WDFY3: variants seen among roughly 807,000 people sequenced by gnomAD.
WDFY3 encodes the protein WD repeat and FYVE domain containing 3.
WDFY3 carries 66 observed loss-of-function variants against 409.6 expected under a neutral mutation model. That is an observed-to-expected ratio of 0.16 (90% CI 0.13 to 0.20). The LOEUF (loss-of-function observed/expected upper bound fraction) is 0.20. Ranked by LOEUF, WDFY3 falls within the 10% of genes least tolerant of loss-of-function variation. The pLI is 1.00. For missense variants in WDFY3, 3,031 were observed against 4,298.1 expected, an observed-to-expected ratio of 0.71 and a Z score of 8.24; for synonymous variants, 1,521 against 1,537.1, an observed-to-expected ratio of 0.99 and a Z score of 0.25.
Position 84,784,858 on chromosome 4 carries a change from G to GTA in WDFY3, c.4062+1119_4062+1120dup, listed in dbSNP as rs71670882. Among the ~76,000 whole-genome samples the GTA allele has an allele frequency of 3.3e-3, 297 of 88,966 alleles. 2 individuals are homozygous for GTA. Among genetic ancestry groups the GTA allele is most frequent in the African/African-American group, 8.4e-3 (168 of 20,040 alleles). 58.4% of individuals were successfully genotyped at this position (88,966 alleles called of 152,430 possible). On this transcript the variant is annotated intron_variant, in intron 24 of 67. Transcript: ENST00000295888. ...CATCTCAAAAAAAAAAAGTGTATAT[G>GTA]TATATATATATATATATATATATAT...
chr4:84,882,416 G>T (rs555084302), intron 3 of WDFY3, among the ~76,000 whole-genome samples: 1 of 152,104 alleles, frequency 6.6e-6, no homozygotes, highest in Non-Finnish European at 1.5e-5. Flanking sequence ...GATGCTTAAC[G>T]AATAGACGGA....
At chr4:84,779,025 C>G (rs1244844096) in intron 26 of WDFY3, among the ~76,000 whole-genome samples, 1 of 151,990 alleles carries the variant, frequency 6.6e-6, no homozygotes, top group Middle Eastern at 3.2e-3. Context: ...ATGGTAACTA[C>G]TTAAATATAC....
chr4:84,879,266 A>C (rs1480798325), intron 3 of WDFY3: 1 of 152,238 alleles, frequency 6.6e-6, no homozygotes, highest in Non-Finnish European at 1.5e-5. Flanking sequence ...TGTTTGAAAT[A>C]ACAGATTTTT....
rs375910421 is a variant in WDFY3, at chr4:84,740,174, C to T, written c.6464+13G>A. ...CCAAATTTAACATGGCAAACTGAAC[C>T]TAAAGGATTTACCTTCCAACATGTA... is the stretch of plus-strand genomic sequence containing the variant. On this transcript the variant is annotated intron_variant, in intron 39 of 67. Coordinates refer to ENST00000295888, the MANE Select transcript of WDFY3 (RefSeq NM_014991.6). 22 of 1,613,254 alleles carry T rather than the reference C, an allele frequency of 1.4e-5. No homozygotes were observed. In the African/African-American group the frequency reaches 2.7e-4, roughly 20 times the overall value.
chr4:84,741,825 C>G lies in WDFY3; in HGVS notation c.6170G>C (p.Trp2057Ser). The G allele has an allele frequency of 1.9e-6, 3 of 1,613,000 alleles. No homozygotes were observed. Among genetic ancestry groups the G allele is most frequent in the Non-Finnish European group, 2.5e-6 (3 of 1,179,254 alleles). Residue 2057 changes from tryptophan (W) to serine (S), a missense_variant, in exon 38 of 68, where the codon TGG becomes TCG. Around this residue, in one of 16 missense-constraint regions of WDFY3, gnomAD observed 314 missense variants for 397.4 expected, o/e 0.79. Transcript: ENST00000295888. ...YFTQRVVDKL[W>S]QGMFNKESKL... ...AGATTCTTTGTTGAACATGCCTTGC[C>G]AAAGCTTGTCCACCACACGCTGTGT...
chr4:84,908,958 T>A (rs1410443091), intron 2 of WDFY3, among the ~76,000 whole-genome samples: 2 of 151,906 alleles, frequency 1.3e-5, no homozygotes, highest in Non-Finnish European at 2.9e-5. Flanking sequence ...CAAGGAAAAA[T>A]TCAAAAGATG....
intron 6 of WDFY3, 37 bp from the exon 7 acceptor site, chr4:84,837,127 C>T: frequency 7.0e-7 from 1 of 1,429,068 alleles, no homozygotes; most frequent in Non-Finnish European, 9.3e-7. Context: ...AATAGATAGA[C>T]ACAACTATAA....
chr4:84,961,721 A>T (rs970568513), intron 1 of WDFY3, among the ~76,000 whole-genome samples: 8 of 152,202 alleles, frequency 5.3e-5, no homozygotes, highest in Non-Finnish European at 1.0e-4. Context: ...ACTGAAAATA[A>T]GAGTAAAAAA....
chr4:84,761,746 G>A (rs930726248), intron 32 of WDFY3, among the ~76,000 whole-genome samples: 4 of 151,848 alleles, frequency 2.6e-5, no homozygotes, highest in East Asian at 3.9e-4. Flanking sequence ...AATCTACAAC[G>A]AACTCAAACA....
intron 1 of WDFY3, among the ~76,000 whole-genome samples, chr4:84,934,931 G>C (rs897266627): frequency 1.8e-4 from 28 of 151,980 alleles, no homozygotes; most frequent in Non-Finnish European, 2.5e-4. Flanking sequence ...GTTCCATTTT[G>C]CTTGGTTCTG....
chr4:84,905,236 C>T (rs1362160864), intron 2 of WDFY3, among the ~76,000 whole-genome samples: 3 of 152,020 alleles, frequency 2.0e-5, no homozygotes, highest in Non-Finnish European at 2.9e-5. Context: ...CCTGGGAGGC[C>T]GAGGCAAGAG....
intron 3 of WDFY3, among the ~76,000 whole-genome samples, chr4:84,872,555 G>C (rs1171991432): frequency 6.6e-6 from 1 of 151,560 alleles, no homozygotes; most frequent in Non-Finnish European, 1.5e-5. Context: ...AAGAAAAGAA[G>C]GGAGGAAGAA....
chr4:84,746,393 C>T (rs1739453831), intron 36 of WDFY3, among the ~76,000 whole-genome samples: 1 of 152,084 alleles, frequency 6.6e-6, no homozygotes, highest in African/African-American at 2.4e-5. Context: ...TAGGGCTTAT[C>T]AAATCTTAAC....
At chr4:84,780,341 T>C in intron 25 of WDFY3, 43 bp from the exon 26 acceptor site, 1 of 1,565,094 alleles carries the variant, frequency 6.4e-7, no homozygotes, top group South Asian at 1.2e-5. Flanking sequence ...AAATTCCCCA[T>C]GTGAACAAGA....
At chr4:84,915,722 A>G (rs1308167048) in intron 2 of WDFY3, among the ~76,000 whole-genome samples, 1 of 152,196 alleles carries the variant, frequency 6.6e-6, no homozygotes, top group Non-Finnish European at 1.5e-5. Context: ...CAAGAGAAAA[A>G]TATGTGCACT....
rs756250985 is a variant in WDFY3, at chr4:84,809,961, T to C, written c.2271A>G (p.Ser757=). 5 of 1,614,162 alleles carry C rather than the reference T, an allele frequency of 3.1e-6. No homozygotes were observed. Among genetic ancestry groups the C allele is most frequent in the South Asian group, 1.1e-5 (1 of 91,090 alleles). ...LLEEDVISIE[S]VSPTLRHCSK... ...TGCAGTGCCGTAACGTGGGTGACAC[T>C]GATTCTATTGAGATTACATCTTCCT... Residue 757 remains serine, a synonymous_variant, in exon 14 of 68, where the codon TCA becomes TCG. Coordinates refer to ENST00000295888, the MANE Select transcript of WDFY3 (RefSeq NM_014991.6).
chr4:84,831,313 G>T, intron 8 of WDFY3, 100 bp downstream of exon 8: 1 of 951,208 alleles, frequency 1.1e-6, no homozygotes, highest in Non-Finnish European at 1.4e-6. Context: ...TTATTTTAAA[G>T]AACAAGCTTT....
At chr4:84,947,170 T>G (rs1772957317) in intron 1 of WDFY3, among the ~76,000 whole-genome samples, 1 of 151,862 alleles carries the variant, frequency 6.6e-6, no homozygotes, top group African/African-American at 2.4e-5. Context: ...GACTAAATCT[T>G]TACAGCAAAG....
intron 3 of WDFY3, among the ~76,000 whole-genome samples, chr4:84,862,147 T>A (rs560960856): frequency 6.6e-6 from 1 of 152,240 alleles, no homozygotes; most frequent in Non-Finnish European, 1.5e-5. Flanking sequence ...CCCTTGAGAA[T>A]TTTGAGTGAA....
Sources: gnomAD v4.1 joint callset for allele counts (sites outside exome capture counted in the v4.1 genomes callset) on GRCh38, gnomAD v4.1.1 for gene constraint, gnomAD v4.1.1 regional missense constraint, MANE v1.5 for transcripts, NCBI Gene and HGNC (gene_info 2026-07-23, HGNC 2026-07-21) for gene names.